Variants in GLRA3 observed in about 807,000 individuals in gnomAD.
GLRA3 encodes the protein glycine receptor alpha 3.
A neutral mutation model predicts 60.4 loss-of-function variants in GLRA3; 44 were observed. The observed-to-expected ratio is 0.73, with a 90% CI of 0.57 to 0.94. The LOEUF (loss-of-function observed/expected upper bound fraction) is 0.94, where lower values mean the gene tolerates loss of function less well. Ranked by LOEUF, GLRA3 falls within the 40% of genes least tolerant of loss-of-function variation. The pLI, the probability that GLRA3 is intolerant of heterozygous loss-of-function variation, is 0.00. For synonymous variants in GLRA3, 223 were observed against 192.9 expected (o/e 1.16, Z -1.29); for missense variants, 508 against 564.6 (o/e 0.90, Z 1.02).
intron 3 of GLRA3, among the ~76,000 whole-genome samples, chr4:174,732,759 T>TTC (rs5864288): frequency 0.23 from 34,186 of 147,706 alleles, 4,103 homozygotes; most frequent in Non-Finnish European, 0.28. Context: ...ACCAAGCAAT[T>TTC]TCTCTCTCTC....
chr4:174,784,021 G>A (rs28844334), intron 2 of GLRA3, among the ~76,000 whole-genome samples: 12,188 of 149,052 alleles, frequency 0.082, 830 homozygotes, highest in East Asian at 0.38. Context: ...ACATGCACAC[G>A]TATGTTTATT....
Position 174,642,839 on chromosome 4 carries a change from C to A in GLRA3, c.*947G>T. ...GAATCCATTTTGTTTTCATTGTATT[C>A]ATTTTTATCAAAATGTAAATACTTT... On this transcript the variant is annotated 3_prime_UTR_variant, in exon 10 of 10. Transcript: ENST00000274093. The A allele has an allele frequency of 1.3e-6, 1 of 756,458 alleles. No homozygotes were observed. The highest frequency in any genetic ancestry group is 1.6e-6 in the Non-Finnish European group (1 of 621,606). The allele number at this position is 756,458 out of a possible 1,614,324, so 46.9% of individuals were successfully genotyped here. A position where few individuals can be genotyped will look rare whatever the true frequency, so the allele number is the denominator to read the frequency against.
intron 5 of GLRA3, among the ~76,000 whole-genome samples, chr4:174,685,082 T>C (rs1210607844): frequency 6.6e-6 from 1 of 151,796 alleles, no homozygotes; most frequent in Non-Finnish European, 1.5e-5. Flanking sequence ...AGAAGGGAAA[T>C]GGTCCCAAAC....
chr4:174,796,192 C>T (rs1318199655), intron 1 of GLRA3, among the ~76,000 whole-genome samples: 1 of 152,052 alleles, frequency 6.6e-6, no homozygotes, highest in African/African-American at 2.4e-5. Flanking sequence ...TTGCCCCTTC[C>T]ACCATGTGAG....
At chr4:174,805,264 G>T (rs1049212474) in intron 1 of GLRA3, among the ~76,000 whole-genome samples, 1 of 151,956 alleles carries the variant, frequency 6.6e-6, no homozygotes, top group Non-Finnish European at 1.5e-5. Context: ...AAATTTTTTT[G>T]CACTCCTCTC....
At chr4:174,730,457 G>T (rs1197495449) in intron 3 of GLRA3, among the ~76,000 whole-genome samples, 1 of 152,148 alleles carries the variant, frequency 6.6e-6, no homozygotes, top group African/African-American at 2.4e-5. Flanking sequence ...ATGTACATTT[G>T]TACTGATTTA....
chr4:174,720,573 C>A (rs1420156538), intron 4 of GLRA3, among the ~76,000 whole-genome samples: 1 of 152,132 alleles, frequency 6.6e-6, no homozygotes, highest in Admixed American at 6.5e-5. Context: ...CTCCTTGATC[C>A]TCTTGTGCTC....
In GLRA3 at chr4:174,692,266, TG is replaced by T. The variant is rs1327004143; in HGVS notation, c.575-9328del. Among the ~76,000 whole-genome samples the T allele has an allele frequency of 3.8e-4, 51 of 134,214 alleles. 2 individuals are homozygous for T. Among genetic ancestry groups the T allele is most frequent in the African/African-American group, 1.1e-3 (39 of 34,930 alleles). 88.0% of individuals were successfully genotyped at this position (134,214 alleles called of 152,430 possible). A position where few individuals can be genotyped will look rare whatever the true frequency, so the allele number is the denominator to read the frequency against. ...CCAGCCGCCCCATCCGCGAGGGAGG[TG>T]GGGGGGTCAGCACCCCACCCGGCCA... On this transcript the variant is annotated intron_variant, in intron 5 of 9. Transcript: ENST00000274093.
chr4:174,801,142 A>T (rs1039966700), intron 1 of GLRA3, among the ~76,000 whole-genome samples: 2 of 152,090 alleles, frequency 1.3e-5, no homozygotes, highest in African/African-American at 4.8e-5. Context: ...ATCAAGATGT[A>T]ACCTCATCAT....
chr4:174,653,348 C>T (rs1313434089), intron 9 of GLRA3, among the ~76,000 whole-genome samples: 1 of 151,910 alleles, frequency 6.6e-6, no homozygotes, highest in African/African-American at 2.4e-5. Flanking sequence ...TATCTACACA[C>T]ATTTTTATAT....
intron 1 of GLRA3, among the ~76,000 whole-genome samples, chr4:174,798,719 C>G (rs367551875): frequency 1.1e-4 from 17 of 152,048 alleles, no homozygotes; most frequent in African/African-American, 3.9e-4. Flanking sequence ...GGTCAGTAGA[C>G]GGAGACCATC....
intron 3 of GLRA3, among the ~76,000 whole-genome samples, chr4:174,751,104 T>A (rs1385837): frequency 0.79 from 114,885 of 144,856 alleles, 46,015 homozygotes; most frequent in East Asian, 0.86. Context: ...TCTATCTATC[T>A]ATCAATCATC....
chr4:174,775,455 A>C (rs1394144832), intron 2 of GLRA3, among the ~76,000 whole-genome samples: 6 of 152,198 alleles, frequency 3.9e-5, no homozygotes, highest in Admixed American at 3.9e-4. Flanking sequence ...AGAAACCACA[A>C]ATACATCGTG....
chr4:174,716,246 C>T (rs1735914683), intron 4 of GLRA3, among the ~76,000 whole-genome samples: 1 of 152,082 alleles, frequency 6.6e-6, no homozygotes, highest in African/African-American at 2.4e-5. Context: ...AGGAAATAGC[C>T]CTCTAGAATA....
chr4:174,751,658 A>G (rs985962501), intron 3 of GLRA3, among the ~76,000 whole-genome samples: 1 of 152,172 alleles, frequency 6.6e-6, no homozygotes, highest in East Asian at 1.9e-4. Context: ...CATTGCTGTT[A>G]CGTAGCCCAC....
intron 3 of GLRA3, among the ~76,000 whole-genome samples, chr4:174,735,158 A>T (rs1172331234): frequency 7.0e-6 from 1 of 142,506 alleles, no homozygotes; most frequent in Non-Finnish European, 1.6e-5. Context: ...TTGTATGACT[A>T]ATTTTCAGCC....
chr4:174,767,977 T>C (rs1031239349), intron 2 of GLRA3, among the ~76,000 whole-genome samples: 2 of 152,144 alleles, frequency 1.3e-5, no homozygotes, highest in African/African-American at 4.8e-5. Context: ...GCAGCTACAA[T>C]GTTAAACAAT....
intron 5 of GLRA3, among the ~76,000 whole-genome samples, chr4:174,691,521 C>T (rs940477401): frequency 1.3e-5 from 2 of 152,220 alleles, no homozygotes; most frequent in South Asian, 2.1e-4. Flanking sequence ...TGCCGAGTGC[C>T]TGCGATTGCA....
At chr4:174,703,112 A>G (rs1266316869) in intron 5 of GLRA3, among the ~76,000 whole-genome samples, 2 of 152,216 alleles carry the variant, frequency 1.3e-5, no homozygotes, top group East Asian at 1.9e-4. Context: ...TAAGTGGGCT[A>G]TGTTGTGAAG....
Sources: gnomAD v4.1 joint callset for allele counts (sites outside exome capture counted in the v4.1 genomes callset) on GRCh38, gnomAD v4.1.1 for gene constraint, MANE v1.5 for transcripts, NCBI Gene and HGNC (gene_info 2026-07-23, HGNC 2026-07-21) for gene names.